FHAD1: variants seen among roughly 807,000 people sequenced by gnomAD.
FHAD1 encodes the protein forkhead-associated domain-containing protein 1.
FHAD1 carries 146 observed loss-of-function variants against 191.3 expected under a neutral mutation model. That is an observed-to-expected ratio of 0.76 (90% CI 0.67 to 0.88). The LOEUF is 0.88. Among genes scored for constraint, FHAD1 ranks in the 40% least tolerant of loss-of-function variants. The pLI, the probability that FHAD1 is intolerant of heterozygous loss-of-function variation, is 0.00. For synonymous variants in FHAD1, 616 were observed against 672.3 expected (o/e 0.92, Z 1.29); for missense variants, 1,635 against 1,785.8 (o/e 0.92, Z 1.52).
chr1:15,278,536 C>T (rs1390792965), intron 3 of FHAD1, among the ~76,000 whole-genome samples: 22 of 137,972 alleles, frequency 1.6e-4, no homozygotes, highest in Admixed American at 1.4e-3. Context: ...TGCAGTGGCA[C>T]GATCTCAGTT....
chr1:15,280,062 G>T lies in FHAD1; in HGVS notation c.300+7533G>T, dbSNP rs556271375. Among the ~76,000 whole-genome samples, 127 of 152,250 alleles carry T rather than the reference G, an allele frequency of 8.3e-4. 4 individuals are homozygous for T. Among genetic ancestry groups the T allele is most frequent in the Admixed American group, 8.3e-3 (127 of 15,290 alleles). On this transcript the variant is annotated intron_variant, in intron 3 of 33. Transcript: ENST00000688493. ...AGCGTGGCTTGTTTTTCTCCTCGGT[G>T]TATGATGAGAAGGACACAGAGTTGG...
intron 23 of FHAD1, 76 bp from the exon 24 acceptor site, chr1:15,365,751 C>T: frequency 1.2e-6 from 1 of 835,368 alleles, no homozygotes; most frequent in South Asian, 1.5e-5. Flanking sequence ...TGCATTTGTA[C>T]TTGGCCCCTC....
chr1:15,397,008 C>T (rs1706200218), intron 33 of FHAD1, among the ~76,000 whole-genome samples: 1 of 138,072 alleles, frequency 7.2e-6, no homozygotes, highest in Non-Finnish European at 1.5e-5. Flanking sequence ...CACGGTGAAA[C>T]CCCGTCTCTA....
intron 2 of FHAD1, among the ~76,000 whole-genome samples, chr1:15,254,664 A>G (rs1484126075): frequency 2.6e-5 from 4 of 152,220 alleles, no homozygotes; most frequent in African/African-American, 9.6e-5. Flanking sequence ...GTAAGTCACC[A>G]CTGTCAGCAA....
Position 15,375,584 on chromosome 1 carries a change from T to A in FHAD1, c.3578-19T>A. The A allele has an allele frequency of 6.6e-7, 1 of 1,507,986 alleles. No individual in the cohort carries two copies. The highest frequency in any genetic ancestry group is 1.3e-5 in the South Asian group (1 of 76,224). The allele number at this position is 1,507,986 out of a possible 1,614,324, so 93.4% of individuals were successfully genotyped here. A position where few individuals can be genotyped will look rare whatever the true frequency, so the allele number is the denominator to read the frequency against. Reference sequence around the variant, plus strand: ...TCTTCCTGAGCCTTTCTTTTGAGTCTACTTTATTTCTTTTACAGATCATAA... The same window carrying A: ...TCTTCCTGAGCCTTTCTTTTGAGTCAACTTTATTTCTTTTACAGATCATAA... On this transcript the variant is annotated intron_variant, in intron 27 of 33. Coordinates refer to ENST00000688493, the MANE Select transcript of FHAD1 (RefSeq NM_001391957.1).
chr1:15,337,816 C>T (rs891699415), intron 14 of FHAD1, among the ~76,000 whole-genome samples: 2 of 152,086 alleles, frequency 1.3e-5, no homozygotes, highest in Admixed American at 6.5e-5. Flanking sequence ...TTCTGTCAGC[C>T]GCTGGAATAG....
intron 6 of FHAD1, among the ~76,000 whole-genome samples, chr1:15,306,356 G>A (rs542854336): frequency 1.3e-5 from 2 of 152,198 alleles, no homozygotes; most frequent in Non-Finnish European, 2.9e-5. Flanking sequence ...CAGAAAATTT[G>A]CAGCCTGATG....
At chr1:15,392,486 T>C (rs182401744) in intron 33 of FHAD1, among the ~76,000 whole-genome samples, 2,335 of 152,034 alleles carry the variant, frequency 0.015, 67 homozygotes, top group African/African-American at 0.054. Context: ...GAGCCGAGAT[T>C]GCGCCACTGC....
At chr1:15,291,068 C>A (rs1441803083) in intron 4 of FHAD1, among the ~76,000 whole-genome samples, 2 of 151,366 alleles carry the variant, frequency 1.3e-5, no homozygotes, top group African/African-American at 2.4e-5. Context: ...TTACAGTGAC[C>A]CCCTCCCCAC....
intron 18 of FHAD1, among the ~76,000 whole-genome samples, chr1:15,347,934 A>C (rs923323347): frequency 3.3e-5 from 5 of 152,206 alleles, no homozygotes; most frequent in African/African-American, 1.2e-4. Context: ...CTCTCTTACC[A>C]ATAGTACCTG....
chr1:15,258,559 TGAGTGTCCA>T (rs1297335505), intron 2 of FHAD1, among the ~76,000 whole-genome samples: 3 of 151,790 alleles, frequency 2.0e-5, no homozygotes, highest in African/African-American at 7.3e-5. Context: ...GCTATAAACA[TGAGTGTCCA>T]GATATCTCTG....
intron 2 of FHAD1, among the ~76,000 whole-genome samples, chr1:15,264,460 C>G (rs750235263): frequency 2.0e-5 from 3 of 151,188 alleles, no homozygotes; most frequent in Non-Finnish European, 4.4e-5. Flanking sequence ...ATAGAAATAC[C>G]ACTGATTTTT....
chr1:15,388,507 G>A (rs1350600671), intron 32 of FHAD1: 8 of 525,568 alleles, frequency 1.5e-5, no homozygotes, highest in Non-Finnish European at 2.2e-5. Flanking sequence ...GGGACTTGGA[G>A]GCAAGGTCCT....
At chr1:15,395,092 T>C (rs1408311717) in intron 33 of FHAD1, among the ~76,000 whole-genome samples, 1 of 152,012 alleles carries the variant, frequency 6.6e-6, no homozygotes, top group African/African-American at 2.4e-5. Context: ...GATGGGCGGA[T>C]CATGAGGTCA....
At chr1:15,370,964 G>A (rs1697904609) in intron 26 of FHAD1, among the ~76,000 whole-genome samples, 1 of 152,194 alleles carries the variant, frequency 6.6e-6, no homozygotes, top group Admixed American at 6.5e-5. Context: ...CAAACAGCTT[G>A]AACGAAAGGG....
Position 15,329,261 on chromosome 1 carries a change from T to G in FHAD1, c.1711-85T>G. On this transcript the variant is annotated intron_variant, in intron 13 of 33. Transcript: ENST00000688493. This position sits in a 1 kb window ranked among gnomAD's most constrained non-coding sequence, Gnocchi z 5.0. ...TGGCGCTGCCTGCTTCGTGGCAGAGTCAAGAACGCTGTTCCTCGAAGGTCA... is the reference window on the plus strand; with the variant it reads ...TGGCGCTGCCTGCTTCGTGGCAGAGGCAAGAACGCTGTTCCTCGAAGGTCA... The G allele has an allele frequency of 1.7e-6, 2 of 1,162,068 alleles. No homozygotes were observed. The highest frequency in any genetic ancestry group is 5.3e-5 in the East Asian group (2 of 37,946). 72.0% of individuals were successfully genotyped at this position (1,162,068 alleles called of 1,614,324 possible).
upstream of FHAD1, among the ~76,000 whole-genome samples, chr1:15,246,163 G>T (rs936586393): frequency 1.3e-5 from 2 of 152,152 alleles, no homozygotes; most frequent in Non-Finnish European, 2.9e-5. Flanking sequence ...AGCAAAGGGG[G>T]AAGTGCCACA....
At chr1:15,366,284 CAAAAAAAAAAAA>C (rs35252287) in intron 24 of FHAD1, among the ~76,000 whole-genome samples, 6 of 44,466 alleles carry the variant, frequency 1.3e-4, no homozygotes, top group Admixed American at 7.7e-4. Context: ...GACTCTGTCT[CAAAAAAAAAAAA>C]AAAAAAAAAA....
exon 1 of FHAD1, among the ~76,000 whole-genome samples, chr1:15,236,671 T>C (rs1644820891): frequency 1.3e-5 from 2 of 152,228 alleles, no homozygotes. Context: ...TGTCTGAGGT[T>C]GGATCCACGT....
Sources: allele counts gnomAD v4.1 joint callset (sites outside exome capture counted in the v4.1 genomes callset), GRCh38; gene constraint gnomAD v4.1.1; non-coding constraint Gnocchi (gnomAD v3.1); transcripts MANE v1.5; gene names NCBI Gene and HGNC (gene_info 2026-07-23, HGNC 2026-07-21).